SPAG16: variants seen among roughly 807,000 people sequenced by gnomAD.
SPAG16 encodes the protein sperm associated antigen 16, also known as sperm-associated antigen 16 protein.
In SPAG16, 86 loss-of-function variants were observed where a neutral mutation model predicts 80.4. The observed-to-expected ratio is 1.07, with a 90% CI of 0.90 to 1.28. The LOEUF is 1.28. Among genes scored for constraint, SPAG16 ranks in the 50% most tolerant of loss-of-function variants. The pLI is 0.00. For missense variants in SPAG16, 870 were observed against 765.3 expected (o/e 1.14, Z -1.61); for synonymous variants, 294 against 265.9 (o/e 1.11, Z -1.03).
chr2:214,025,192 T>G (rs2048069194), intron 13 of SPAG16, among the ~76,000 whole-genome samples: 1 of 151,704 alleles, frequency 6.6e-6, no homozygotes, highest in African/African-American at 2.4e-5. Context: ...TTCTCATGAT[T>G]TGTAGTTCTG....
intron 13 of SPAG16, among the ~76,000 whole-genome samples, chr2:214,019,780 A>G (rs75350161): frequency 1.2e-4 from 18 of 152,016 alleles, no homozygotes; most frequent in African/African-American, 4.1e-4. Flanking sequence ...CCTCAGCCAT[A>G]TTTGATTTAG....
chr2:213,491,269 T>C (rs2074223058), intron 10 of SPAG16, among the ~76,000 whole-genome samples: 1 of 152,236 alleles, frequency 6.6e-6, no homozygotes, highest in Non-Finnish European at 1.5e-5. Flanking sequence ...TTTTCTTATA[T>C]GTCTATCGTT....
intron 9 of SPAG16, among the ~76,000 whole-genome samples, chr2:213,420,701 A>G (rs961897599): frequency 6.6e-6 from 1 of 152,222 alleles, no homozygotes; most frequent in South Asian, 2.1e-4. Flanking sequence ...TAATACCACT[A>G]TGGAGTTTCT....
chr2:214,191,344 T>C (rs770791141), intron 15 of SPAG16, among the ~76,000 whole-genome samples: 66 of 152,110 alleles, frequency 4.3e-4, no homozygotes, highest in Non-Finnish European at 7.8e-4. Flanking sequence ...TACCAACTAA[T>C]GTTATACCTT....
chr2:214,253,323 C>T (rs560343637), intron 15 of SPAG16, among the ~76,000 whole-genome samples: 1 of 152,158 alleles, frequency 6.6e-6, no homozygotes, highest in Non-Finnish European at 1.5e-5. Flanking sequence ...TCCCATTTGT[C>T]AATTTTGGCT....
intron 11 of SPAG16, among the ~76,000 whole-genome samples, chr2:213,882,984 G>A (rs957069336): frequency 2.6e-5 from 4 of 152,008 alleles, no homozygotes; most frequent in Admixed American, 6.6e-5. Flanking sequence ...CTCCTCCTCA[G>A]CCTCCCGAGT....
chr2:213,997,074 T>C (rs1008467158), intron 12 of SPAG16, among the ~76,000 whole-genome samples: 66 of 152,194 alleles, frequency 4.3e-4, no homozygotes, highest in Non-Finnish European at 1.8e-4. Flanking sequence ...TGTTTGCCAT[T>C]TTTAGTATTT....
At chr2:213,395,775 A>T (rs1355481957) in intron 9 of SPAG16, among the ~76,000 whole-genome samples, 2 of 152,178 alleles carry the variant, frequency 1.3e-5, no homozygotes, top group African/African-American at 2.4e-5. Context: ...CCAGGGAAGA[A>T]TGGGGGACAG....
intron 10 of SPAG16, among the ~76,000 whole-genome samples, chr2:213,695,946 A>G (rs1028604541): frequency 1.3e-5 from 2 of 152,182 alleles, no homozygotes; most frequent in African/African-American, 4.8e-5. Context: ...CTGAATGTTG[A>G]TGGAGTTACG....
chr2:214,160,285 C>G (rs1215306927), intron 15 of SPAG16, among the ~76,000 whole-genome samples: 1 of 151,844 alleles, frequency 6.6e-6, no homozygotes, highest in Non-Finnish European at 1.5e-5. Context: ...TTGATTATTA[C>G]TGCTTTTTTG....
chr2:214,225,890 T>G (rs2125787381), intron 15 of SPAG16, among the ~76,000 whole-genome samples: 1 of 152,284 alleles, frequency 6.6e-6, no homozygotes, highest in African/African-American at 2.4e-5. Context: ...CAATTACAAA[T>G]GCATTGAAAA....
chr2:213,293,475 C>T (rs2126063349), intron 1 of SPAG16, among the ~76,000 whole-genome samples: 1 of 152,294 alleles, frequency 6.6e-6, no homozygotes, highest in East Asian at 1.9e-4. Flanking sequence ...TTGTGGCATC[C>T]ACATTGTTTT....
intron 15 of SPAG16, among the ~76,000 whole-genome samples, chr2:214,325,072 T>A (rs1696380737): frequency 6.6e-6 from 1 of 152,256 alleles, no homozygotes; most frequent in Non-Finnish European, 1.5e-5. Context: ...CAAACTTACT[T>A]ATTTTTCTCA....
intron 15 of SPAG16, among the ~76,000 whole-genome samples, chr2:214,168,459 C>T (rs532668459): frequency 7.9e-5 from 12 of 151,944 alleles, no homozygotes; most frequent in Non-Finnish European, 1.3e-4. Flanking sequence ...AATTAACTAC[C>T]TCTTTCTTTC....
At chr2:213,780,623 G>A (rs1300898273) in intron 10 of SPAG16, among the ~76,000 whole-genome samples, 1 of 132,988 alleles carries the variant, frequency 7.5e-6, no homozygotes, top group Non-Finnish European at 1.6e-5. Context: ...AACTATCTTA[G>A]GGAATTCCTT....
intron 10 of SPAG16, among the ~76,000 whole-genome samples, chr2:213,537,976 A>G (rs954345259): frequency 1.3e-5 from 2 of 152,152 alleles, no homozygotes; most frequent in African/African-American, 4.8e-5. Flanking sequence ...CATTCTTTCA[A>G]TCATTCGTGT....
At chr2:213,366,948 C>T (rs867291889) in intron 8 of SPAG16, among the ~76,000 whole-genome samples, 1 of 152,180 alleles carries the variant, frequency 6.6e-6, no homozygotes, top group East Asian at 1.9e-4. Context: ...TCCCCCTACC[C>T]CATGACAGGC....
At chr2:214,013,829 A>T in intron 12 of SPAG16, 122 bp from the exon 13 acceptor site, 1 of 922,214 alleles carries the variant, frequency 1.1e-6, no homozygotes, top group Non-Finnish European at 1.6e-6. Context: ...AAATGTTGTT[A>T]TTGTAAAATT....
chr2:214,086,360 C>T (rs563257799), intron 13 of SPAG16, among the ~76,000 whole-genome samples: 1 of 152,290 alleles, frequency 6.6e-6, no homozygotes, highest in Non-Finnish European at 1.5e-5. Flanking sequence ...ACCTTAAAAA[C>T]TATCCTCAGT....
Sources: allele counts gnomAD v4.1 joint callset (sites outside exome capture counted in the v4.1 genomes callset), GRCh38; gene constraint gnomAD v4.1.1; transcripts MANE v1.5; gene names NCBI Gene and HGNC (gene_info 2026-07-23, HGNC 2026-07-21).